TSPAN16: variants seen among roughly 807,000 people sequenced by gnomAD.
The protein encoded by TSPAN16 is tetraspanin-16.
In TSPAN16, 23 loss-of-function variants were observed where a neutral mutation model predicts 25.2. That is an observed-to-expected ratio of 0.91 (90% CI 0.66 to 1.29). The LOEUF (loss-of-function observed/expected upper bound fraction) is 1.29. Among genes scored for constraint, TSPAN16 ranks in the 50% most tolerant of loss-of-function variants. TSPAN16 has a pLI of 0.00. For missense variants in TSPAN16, 272 were observed against 299.9 expected, an observed-to-expected ratio of 0.91 and a Z score of 0.69; for synonymous variants, 123 against 124.4, an observed-to-expected ratio of 0.99 and a Z score of 0.08.
At chr19:11,302,708 T>C (rs12973091) in intron 4 of TSPAN16, among the ~76,000 whole-genome samples, 22 of 134,032 alleles carry the variant, frequency 1.6e-4, no homozygotes, top group South Asian at 4.7e-4. Flanking sequence ...CACACACACA[T>C]ACATATATAT....
At chr19:11,316,381 A>G (rs544070787), downstream of TSPAN16, among the ~76,000 whole-genome samples, 18 of 152,050 alleles carry the variant, frequency 1.2e-4, no homozygotes, top group Admixed American at 3.9e-4. Flanking sequence ...CGGCCTCCCA[A>G]TGTGTTGGGA....
downstream of TSPAN16, among the ~76,000 whole-genome samples, chr19:11,318,190 C>T (rs2080758738): frequency 6.6e-6 from 1 of 151,968 alleles, no homozygotes; most frequent in East Asian, 1.9e-4. Flanking sequence ...CCATGCCCGG[C>T]TAATTTTTTG....
Position 11,296,180 on chromosome 19 carries a change from G to A in TSPAN16, c.-118G>A. ...CCATCAGGCAGCCAGGACACAGAGG[G>A]GCAGAGCAAGTCAGCATTGGCGCCC... On this transcript the variant is annotated 5_prime_UTR_variant, in exon 1 of 7. Transcript: ENST00000590327. 9.4e-7 allele frequency: 1 copy of A among 1,058,736 alleles called. No individual in the cohort carries two copies. 65.6% of individuals were successfully genotyped at this position (1,058,736 alleles called of 1,614,324 possible). A position where few individuals can be genotyped will look rare whatever the true frequency, so the allele number is the denominator to read the frequency against.
chr19:11,298,085 T>A (rs1214044923), intron 1 of TSPAN16, 57 bp from the exon 2 acceptor site: 2 of 1,585,298 alleles, frequency 1.3e-6, no homozygotes, highest in East Asian at 2.2e-5. Context: ...CTCACCCAGT[T>A]CTATTTGTAT....
chr19:11,300,325 A>G (rs2080530471), intron 3 of TSPAN16, among the ~76,000 whole-genome samples: 1 of 152,238 alleles, frequency 6.6e-6, no homozygotes, highest in East Asian at 1.9e-4. Context: ...AGCATAGAAC[A>G]TGCACCTAGG....
intron 5 of TSPAN16, among the ~76,000 whole-genome samples, chr19:11,310,379 G>A (rs1375906778): frequency 6.6e-6 from 1 of 151,884 alleles, no homozygotes; most frequent in Non-Finnish European, 1.5e-5. Flanking sequence ...GCCGGGCGTG[G>A]TGGTGGGAGC....
chr19:11,326,726 CCT>C (rs1249513340), intron 6 of TSPAN16: 8 of 687,894 alleles, frequency 1.2e-5, no homozygotes, highest in Admixed American at 6.2e-5. Context: ...GCCTTGGCCC[CCT>C]GAGTAGCTGG....
At chr19:11,302,113 C>T (rs2080557889) in intron 4 of TSPAN16, among the ~76,000 whole-genome samples, 1 of 152,208 alleles carries the variant, frequency 6.6e-6, no homozygotes, top group South Asian at 2.1e-4. Context: ...CGTGAGCCAC[C>T]GTGCCCGGCC....
rs749744248 is a variant in TSPAN16, at chr19:11,301,219, G to A, written c.361G>A (p.Glu121Lys). The change falls in exon 4 of 7, where the codon GAA becomes AAA. Residue 121 changes from glutamate to lysine, a missense_variant. Physicochemically the swap from Glu to Lys is moderately conservative, Grantham distance 56. Coordinates refer to ENST00000590327, the MANE Select transcript of TSPAN16 (RefSeq NM_001282509.2). ...CTGTGAGGTTGGAGATGTGGCCTTGGAACACACCTTCGTGACCCTGAGGAA... is the reference window on the plus strand; with the variant it reads ...CTGTGAGGTTGGAGATGTGGCCTTGAAACACACCTTCGTGACCCTGAGGAA... ...FFPIVGDVAL[E>K]HTFVTLRKNY... 5 of 1,613,962 alleles carry A rather than the reference G, an allele frequency of 3.1e-6. No homozygotes were observed. In the South Asian group the frequency reaches 3.3e-5, roughly 11 times the overall value.
intron 4 of TSPAN16, among the ~76,000 whole-genome samples, chr19:11,305,144 T>A (rs181033349): frequency 1.1e-3 from 173 of 152,250 alleles, no homozygotes; most frequent in Non-Finnish European, 3.4e-4. Context: ...AATGTCTCTC[T>A]TTCATTCATT....
chr19:11,306,949 G>A (rs113534498), intron 5 of TSPAN16, 193 bp downstream of exon 5: 7,367 of 525,002 alleles, frequency 0.014, 450 homozygotes, highest in African/African-American at 0.12. Flanking sequence ...CCAAGTAGCT[G>A]GGATCACAGG....
chr19:11,298,194 C>T lies in TSPAN16; in HGVS notation c.122C>T (p.Ala41Val). 1 of 1,614,154 alleles carries T rather than the reference C, an allele frequency of 6.2e-7. No homozygotes were observed. The highest frequency in any genetic ancestry group is 8.5e-7 in the Non-Finnish European group (1 of 1,180,024). The change falls in exon 2 of 7, where the codon GCC (alanine) becomes GTC (valine). Residue 41 changes from alanine to valine, a missense_variant. Physicochemically the swap from Ala to Val is moderately conservative, Grantham distance 64. Transcript: ENST00000590327. Reference protein sequence around the residue: ...GLGIGGKCGGASLTNVLGLSS... With the variant: ...GLGIGGKCGGVSLTNVLGLSS... Reference sequence around the variant, plus strand: ...GGCATTGGTGGTAAATGTGGAGGGGCCTCTCTGACGAATGTCCTCGGGCTG... The same window carrying T: ...GGCATTGGTGGTAAATGTGGAGGGGTCTCTCTGACGAATGTCCTCGGGCTG...
At chr19:11,304,064 G>A (rs1393826881) in intron 4 of TSPAN16, among the ~76,000 whole-genome samples, 3 of 151,640 alleles carry the variant, frequency 2.0e-5, no homozygotes, top group Admixed American at 6.6e-5. Flanking sequence ...TTACAGGTGT[G>A]AGCCACCGTG....
At chr19:11,323,230 A>G (rs2080791512) in intron 6 of TSPAN16, 1 of 152,190 alleles carries the variant, frequency 6.6e-6, no homozygotes, top group African/African-American at 2.4e-5. Context: ...TCCCGCCCAC[A>G]TATTCAGATA....
chr19:11,301,278 T>G lies in TSPAN16; in HGVS notation c.420T>G (p.Tyr140Ter). The G allele has an allele frequency of 6.2e-7, 1 of 1,613,750 alleles. No homozygotes were observed. The highest frequency in any genetic ancestry group is 8.5e-7 in the Non-Finnish European group (1 of 1,179,932). Residue 140 changes from tyrosine to a stop codon, truncating the protein, a stop_gained, in exon 4 of 7, where the codon TAT becomes TAG. Transcript: ENST00000590327. LOFTEE classifies it high-confidence loss of function. ...NYRGYNEPDD[Y>*]STQWNLVMEK... ...GAGGTTACAACGAGCCAGACGACTA[T>G]TCTACACAGTGGAACTTGGTCATGG...
chr19:11,312,151 A>T lies in TSPAN16; in HGVS notation c.616A>T (p.Lys206Ter), dbSNP rs1333519004. The T allele has an allele frequency of 1.2e-6, 2 of 1,611,450 alleles. No individual in the cohort carries two copies. Among genetic ancestry groups the T allele is most frequent in the Non-Finnish European group, 1.7e-6 (2 of 1,179,536 alleles). ...NVIHQKGCFH[K>*]LLKITKTQSF... ...TTTGTTTCCTCAGGGCTGTTTCCAT[A>T]AACTCCTAAAAATCACCAAGACTCA... Residue 206 changes from lysine to a stop codon, truncating the protein, a stop_gained, in exon 6 of 7, where the codon AAA (lysine) becomes TAA (stop). Transcript: ENST00000590327. LOFTEE classifies it high-confidence loss of function.
chr19:11,302,660 C>CATATATATATT (rs1320880788), intron 4 of TSPAN16, among the ~76,000 whole-genome samples: 8 of 97,838 alleles, frequency 8.2e-5, no homozygotes, highest in African/African-American at 4.2e-4. Flanking sequence ...TATACACATA[C>CATATATATATT]ATATATATAT....
At chr19:11,318,119 T>C (rs1372216179), downstream of TSPAN16, among the ~76,000 whole-genome samples, 7 of 151,908 alleles carry the variant, frequency 4.6e-5, no homozygotes, top group African/African-American at 7.3e-5. Context: ...CTCCGCCTCC[T>C]GGGTTCACAC....
chr19:11,315,909 C>T lies in TSPAN16; in HGVS notation c.*71C>T. 1 of 1,231,420 alleles carries T rather than the reference C, an allele frequency of 8.1e-7. No homozygotes were observed. Among genetic ancestry groups the T allele is most frequent in the Non-Finnish European group, 1.0e-6 (1 of 987,516 alleles). The allele number at this position is 1,231,420 out of a possible 1,614,324, so 76.3% of individuals were successfully genotyped here. A position where few individuals can be genotyped will look rare whatever the true frequency, so the allele number is the denominator to read the frequency against. ...TGGAGATTCAGTCTCAGTTTTATTTCTCTGTGGCACTCACTGCTTCTGGAG... is the reference window on the plus strand; with the variant it reads ...TGGAGATTCAGTCTCAGTTTTATTTTTCTGTGGCACTCACTGCTTCTGGAG... On this transcript the variant is annotated 3_prime_UTR_variant, in exon 7 of 7. Transcript: ENST00000590327.
Sources: allele counts gnomAD v4.1 joint callset (sites outside exome capture counted in the v4.1 genomes callset), GRCh38; gene constraint gnomAD v4.1.1; transcripts MANE v1.5; gene names NCBI Gene and HGNC (gene_info 2026-07-23, HGNC 2026-07-21).